Variants in CENPP observed in about 807,000 individuals in gnomAD.
CENPP encodes centromere protein P.
A neutral mutation model predicts 35.6 loss-of-function variants in CENPP; 24 were observed. The observed-to-expected ratio is 0.67, with a 90% CI of 0.49 to 0.95. The LOEUF (loss-of-function observed/expected upper bound fraction) is 0.95. Among genes scored for constraint, CENPP ranks in the 40% least tolerant of loss-of-function variants. The pLI is 0.00. For synonymous variants in CENPP, 120 were observed against 125.5 expected, an observed-to-expected ratio of 0.96 and a Z score of 0.29; for missense variants, 332 against 345.3, an observed-to-expected ratio of 0.96 and a Z score of 0.31.
chr9:92,522,668 G>C, intron 5 of CENPP: 1 of 1,614,116 alleles, frequency 6.2e-7, no homozygotes. Flanking sequence ...ACAATAGGAA[G>C]TCTTGCTACT....
intron 5 of CENPP, among the ~76,000 whole-genome samples, chr9:92,507,199 A>C (rs1588198361): frequency 6.6e-6 from 1 of 152,318 alleles, no homozygotes; most frequent in African/African-American, 2.4e-5. Flanking sequence ...GCTCAGGATT[A>C]ATGGAAGTGC....
intron 5 of CENPP, among the ~76,000 whole-genome samples, chr9:92,429,594 C>T (rs577235489): frequency 6.6e-6 from 1 of 152,144 alleles, no homozygotes; most frequent in African/African-American, 2.4e-5. Flanking sequence ...CCAGACTAGT[C>T]TGGCCAACAT....
chr9:92,578,591 A>G (rs1158816030), intron 5 of CENPP, among the ~76,000 whole-genome samples: 8 of 152,190 alleles, frequency 5.3e-5, no homozygotes, highest in Non-Finnish European at 1.0e-4. Flanking sequence ...GGCTGCATAA[A>G]TGTCTTCTTT....
At chr9:92,327,223 C>T (rs1840573141) in intron 1 of CENPP, among the ~76,000 whole-genome samples, 1 of 152,208 alleles carries the variant, frequency 6.6e-6, no homozygotes, top group Admixed American at 6.5e-5. Flanking sequence ...AGTTTCTTTA[C>T]TGGCCACAAG....
At chr9:92,363,221 A>G (rs1841803655) in intron 4 of CENPP, among the ~76,000 whole-genome samples, 1 of 76,830 alleles carries the variant, frequency 1.3e-5, no homozygotes, top group African/African-American at 5.6e-5. Context: ...GGAAATATGT[A>G]TTTATACATA....
At chr9:92,333,666 G>C (rs1181438161) in intron 2 of CENPP, among the ~76,000 whole-genome samples, 5 of 152,188 alleles carry the variant, frequency 3.3e-5, no homozygotes, top group African/African-American at 1.2e-4. Context: ...TTCAGCAAGA[G>C]TAATGGTACC....
chr9:92,458,628 A>G (rs1040627411), intron 5 of CENPP, among the ~76,000 whole-genome samples: 1 of 152,120 alleles, frequency 6.6e-6, no homozygotes, highest in African/African-American at 2.4e-5. Flanking sequence ...TTATAATTCT[A>G]TTCATTTAAT....
At chr9:92,361,440 C>CTTATTTTATT (rs200322873) in intron 4 of CENPP, among the ~76,000 whole-genome samples, 6,252 of 111,704 alleles carry the variant, frequency 0.056, 234 homozygotes, top group Admixed American at 0.1. Flanking sequence ...CGTACCTGGC[C>CTTATTTTATT]TTATTTTATT....
rs554428928 is a variant in CENPP, at chr9:92,428,480, G to A, written c.564+48621G>A. 8.5e-5 allele frequency among the ~76,000 whole-genome samples: 13 copies of A among 152,272 alleles called. No homozygotes were observed. In the South Asian group the frequency reaches 2.5e-3, roughly 29 times the overall value. On this transcript the variant is annotated intron_variant, in intron 5 of 7. Coordinates refer to ENST00000375587, the MANE Select transcript of CENPP (RefSeq NM_001012267.3). The stretch of plus-strand genomic sequence containing the variant: ...CCACCAAACCTTGAGAACCACTGAT[G>A]TAAATACTTCTCCCTGACTTTCAAA...
At chr9:92,472,816 A>T (rs1309485670) in intron 5 of CENPP, among the ~76,000 whole-genome samples, 1 of 152,200 alleles carries the variant, frequency 6.6e-6, no homozygotes, top group South Asian at 2.1e-4. Context: ...AACACAGGAT[A>T]TTATTTTGGT....
intron 5 of CENPP, among the ~76,000 whole-genome samples, chr9:92,483,660 A>G (rs1845983295): frequency 1.3e-5 from 2 of 152,228 alleles, no homozygotes; most frequent in Non-Finnish European, 2.9e-5. Context: ...CCTGTTCTCT[A>G]CTGTCATCAA....
chr9:92,462,435 G>GA (rs1469841973), intron 5 of CENPP, among the ~76,000 whole-genome samples: 1 of 152,182 alleles, frequency 6.6e-6, no homozygotes, highest in Non-Finnish European at 1.5e-5. Context: ...GAATGAAAGG[G>GA]ACTGACCAGA....
chr9:92,515,252 A>G (rs370817479), intron 5 of CENPP: 197 of 1,420,230 alleles, frequency 1.4e-4, no homozygotes, highest in Non-Finnish European at 1.7e-4. Flanking sequence ...GATGATATTA[A>G]TAAAAGAAAA....
intron 5 of CENPP, chr9:92,514,875 C>CA: frequency 6.2e-7 from 1 of 1,613,520 alleles, no homozygotes; most frequent in South Asian, 1.1e-5. Context: ...CCTCCTCCTC[C>CA]TCCCTTCCTT....
intron 5 of CENPP, among the ~76,000 whole-genome samples, chr9:92,547,451 C>T (rs982484624): frequency 6.6e-6 from 1 of 152,128 alleles, no homozygotes; most frequent in Non-Finnish European, 1.5e-5. Flanking sequence ...CATAGCCATA[C>T]AAGGGAATAT....
intron 5 of CENPP, among the ~76,000 whole-genome samples, chr9:92,610,051 G>GTGTT (rs796444708): frequency 1.2e-4 from 19 of 152,024 alleles, no homozygotes; most frequent in South Asian, 6.2e-4. Flanking sequence ...AAAAACACAA[G>GTGTT]TGTTTGTTTG....
intron 4 of CENPP, among the ~76,000 whole-genome samples, chr9:92,376,531 C>T (rs1243235677): frequency 2.6e-5 from 4 of 152,086 alleles, no homozygotes; most frequent in East Asian, 1.9e-4. Flanking sequence ...AATGGGTTGC[C>T]GCTTCCACAG....
At chr9:92,506,167 A>G (rs1205027517) in intron 5 of CENPP, among the ~76,000 whole-genome samples, 1 of 152,214 alleles carries the variant, frequency 6.6e-6, no homozygotes, top group African/African-American at 2.4e-5. Context: ...AATGCAATGA[A>G]TGATTTCTTT....
At chr9:92,533,289 GAC>G (rs1269796106) in intron 5 of CENPP, among the ~76,000 whole-genome samples, 1 of 103,666 alleles carries the variant, frequency 9.6e-6, no homozygotes, top group African/African-American at 3.8e-5. Context: ...GATAGAGTGA[GAC>G]TCGGTCTCAA....
Sources: gnomAD v4.1 joint callset for allele counts (sites outside exome capture counted in the v4.1 genomes callset) on GRCh38, gnomAD v4.1.1 for gene constraint, MANE v1.5 for transcripts, NCBI Gene and HGNC (gene_info 2026-07-23, HGNC 2026-07-21) for gene names.